TAFA2: variants seen among roughly 807,000 people sequenced by gnomAD.
TAFA2 encodes the protein TAFA chemokine like family member 2.
TAFA2 carries 7 observed loss-of-function variants against 18.8 expected under a neutral mutation model. The ratio of observed to expected loss-of-function variants is 0.37; its 90% CI spans 0.21 to 0.70. TAFA2 has a LOEUF of 0.70. Ranked by LOEUF, TAFA2 falls within the 30% of genes least tolerant of loss-of-function variation. The pLI is 0.53. For synonymous variants in TAFA2, 60 were observed against 54.2 expected (o/e 1.11, Z -0.47); for missense variants, 122 against 158.1 (o/e 0.77, Z 1.23).
At chr12:62,066,117 T>C (rs1468856757) in intron 1 of TAFA2, among the ~76,000 whole-genome samples, 1 of 128,380 alleles carries the variant, frequency 7.8e-6, no homozygotes, top group East Asian at 2.3e-4. Flanking sequence ...TGTTTTTTGC[T>C]GAAACAGCCG....
intron 2 of TAFA2, among the ~76,000 whole-genome samples, chr12:61,851,740 A>C (rs1457550622): frequency 8.4e-6 from 1 of 119,068 alleles, no homozygotes; most frequent in Non-Finnish European, 1.6e-5. Flanking sequence ...GTGCCACCGC[A>C]CTCCAGCCTG....
At chr12:62,049,398 T>C (rs1018957644) in intron 1 of TAFA2, among the ~76,000 whole-genome samples, 3 of 152,064 alleles carry the variant, frequency 2.0e-5, no homozygotes, top group East Asian at 1.9e-4. Flanking sequence ...TAGCAGACAA[T>C]TGGAATTACT....
chr12:61,816,266 C>G (rs1281010749), intron 2 of TAFA2, among the ~76,000 whole-genome samples: 1 of 151,288 alleles, frequency 6.6e-6, no homozygotes, highest in Admixed American at 6.6e-5. Context: ...TAAGTGGAAA[C>G]ATGCAATATT....
At chr12:61,971,137 A>G (rs564089122) in intron 1 of TAFA2, among the ~76,000 whole-genome samples, 3 of 151,808 alleles carry the variant, frequency 2.0e-5, no homozygotes, top group Non-Finnish European at 4.4e-5. Flanking sequence ...GACAATGAAT[A>G]TAGAATGCTC....
At chr12:62,116,367 T>C (rs1162824873) in intron 1 of TAFA2, among the ~76,000 whole-genome samples, 1 of 152,170 alleles carries the variant, frequency 6.6e-6, no homozygotes. Flanking sequence ...TGGTTCTAAA[T>C]ATAAGCCCAC....
chr12:62,183,798 C>A (rs114585391), intron 1 of TAFA2, among the ~76,000 whole-genome samples: 3,732 of 152,210 alleles, frequency 0.025, 161 homozygotes, highest in African/African-American at 0.086. Flanking sequence ...AAAATTCATA[C>A]ATAGATTTTG....
intron 1 of TAFA2, among the ~76,000 whole-genome samples, chr12:62,039,374 A>G (rs988520408): frequency 6.6e-6 from 1 of 152,174 alleles, no homozygotes; most frequent in Non-Finnish European, 1.5e-5. Flanking sequence ...CTAATAAATC[A>G]TTATAATTTA....
chr12:61,971,837 C>A (rs1006146271), intron 1 of TAFA2, among the ~76,000 whole-genome samples: 1 of 151,802 alleles, frequency 6.6e-6, no homozygotes, highest in Non-Finnish European at 1.5e-5. Context: ...CAAACTTGCA[C>A]GTTGTGCACA....
chr12:62,036,147 G>C (rs1409169903), intron 1 of TAFA2, among the ~76,000 whole-genome samples: 1 of 152,056 alleles, frequency 6.6e-6, no homozygotes, highest in African/African-American at 2.4e-5. Context: ...ATACCCAGTT[G>C]TGAGAACCAA....
chr12:61,936,216 TAAAAAC>T (rs1178402259), intron 1 of TAFA2, among the ~76,000 whole-genome samples: 1 of 151,930 alleles, frequency 6.6e-6, no homozygotes, highest in Non-Finnish European at 1.5e-5. Context: ...TAAACAGAAT[TAAAAAC>T]AAAAATCATA....
At chr12:61,891,371 G>A (rs755261107) in intron 1 of TAFA2, among the ~76,000 whole-genome samples, 7 of 152,140 alleles carry the variant, frequency 4.6e-5, no homozygotes, top group East Asian at 1.9e-4. Flanking sequence ...GAAGGGCTGC[G>A]CGCAGTGGCT....
intron 2 of TAFA2, among the ~76,000 whole-genome samples, chr12:61,838,457 G>GT (rs1221595916): frequency 3.3e-5 from 5 of 151,996 alleles, no homozygotes; most frequent in Non-Finnish European, 5.9e-5. Context: ...AGAAGACAAT[G>GT]TATGTCAAGG....
At chr12:61,974,548 C>G (rs1879362844) in intron 1 of TAFA2, among the ~76,000 whole-genome samples, 1 of 151,728 alleles carries the variant, frequency 6.6e-6, no homozygotes, top group African/African-American at 2.4e-5. Context: ...TTTTAAGTAT[C>G]ATTTAAAACA....
At chr12:62,167,715 C>A (rs2136937204) in intron 1 of TAFA2, among the ~76,000 whole-genome samples, 1 of 152,254 alleles carries the variant, frequency 6.6e-6, no homozygotes, top group Admixed American at 6.5e-5. Flanking sequence ...TCCCTAGCTC[C>A]CAGACTGTAG....
At chr12:62,125,532 T>C (rs369390272) in intron 1 of TAFA2, among the ~76,000 whole-genome samples, 3 of 152,178 alleles carry the variant, frequency 2.0e-5, no homozygotes, top group Non-Finnish European at 4.4e-5. Context: ...TTTAGTTTAG[T>C]TCCCAAATGC....
At chr12:62,104,764 C>T (rs988532815) in intron 1 of TAFA2, 30 of 453,804 alleles carry the variant, frequency 6.6e-5, no homozygotes, top group African/African-American at 6.0e-4. Context: ...GGGTGACCAT[C>T]GGTGTAAGCT....
Position 61,761,292 on chromosome 12 carries a change from T to G in TAFA2, c.107-6268A>C, listed in dbSNP as rs952513295. 4.6e-5 allele frequency among the ~76,000 whole-genome samples: 7 copies of G among 152,162 alleles called. No homozygotes were observed. The South Asian group carries it at 1.5e-3, about 32-fold the overall frequency. ...AAAATCAAATTAAATGACATTTGAC[T>G]TATACAGGCATAGATTTTTAAAAAT... On this transcript the variant is annotated intron_variant, in intron 2 of 4. Coordinates refer to ENST00000416284, the MANE Select transcript of TAFA2 (RefSeq NM_178539.5).
intron 1 of TAFA2, among the ~76,000 whole-genome samples, chr12:61,912,527 C>T (rs891559679): frequency 6.6e-6 from 1 of 152,002 alleles, no homozygotes; most frequent in African/African-American, 2.4e-5. Context: ...TAAGTCATAA[C>T]GAATCATTTT....
At chr12:61,982,980 C>T (rs758320912) in intron 1 of TAFA2, among the ~76,000 whole-genome samples, 2 of 151,408 alleles carry the variant, frequency 1.3e-5, no homozygotes, top group Non-Finnish European at 2.9e-5. Context: ...TGGACCCACA[C>T]TGTATTAAAA....
Sources: allele counts gnomAD v4.1 joint callset (sites outside exome capture counted in the v4.1 genomes callset), GRCh38; gene constraint gnomAD v4.1.1; transcripts MANE v1.5; gene names NCBI Gene and HGNC (gene_info 2026-07-23, HGNC 2026-07-21).